MBOAT2: variants seen among roughly 807,000 people sequenced by gnomAD.
MBOAT2 encodes membrane-bound glycerophospholipid O-acyltransferase 2.
MBOAT2 carries 28 observed loss-of-function variants against 63.4 expected under a neutral mutation model. The ratio of observed to expected loss-of-function variants is 0.44; its 90% CI spans 0.33 to 0.61. The LOEUF is 0.61. Among genes scored for constraint, MBOAT2 ranks in the 20% least tolerant of loss-of-function variants. The pLI, the probability that MBOAT2 is intolerant of heterozygous loss-of-function variation, is 0.03. For missense variants in MBOAT2, 470 were observed against 605.8 expected, an observed-to-expected ratio of 0.78 and a Z score of 2.35; for synonymous variants, 211 against 215.6, an observed-to-expected ratio of 0.98 and a Z score of 0.19.
At chr2:8,966,577 C>A (rs764402643) in intron 1 of MBOAT2, among the ~76,000 whole-genome samples, 5 of 152,166 alleles carry the variant, frequency 3.3e-5, no homozygotes, top group Non-Finnish European at 7.4e-5. Flanking sequence ...GAGTCCTCAT[C>A]AACCAACCTC....
At position 8,853,613 on chromosome 2, in the gene MBOAT2, T is replaced by C. The variant is rs950814903; in HGVS notation, c.*5066A>G. 1 of 152,250 alleles carries C rather than the reference T, an allele frequency of 6.6e-6. No homozygotes were observed. Among genetic ancestry groups the C allele is most frequent in the Non-Finnish European group, 1.5e-5 (1 of 68,042 alleles). The allele number at this position is 152,250 out of a possible 1,614,324, so 9.4% of individuals were successfully genotyped here. ...TTATGTTGCTCTGTAACTTTTGGTTTTTCACTGTAGCATTTCCATTTATTT... is the reference window on the plus strand; with the variant it reads ...TTATGTTGCTCTGTAACTTTTGGTTCTTCACTGTAGCATTTCCATTTATTT... On this transcript the variant is annotated 3_prime_UTR_variant, in exon 13 of 13. Coordinates refer to ENST00000305997, the MANE Select transcript of MBOAT2 (RefSeq NM_138799.4).
chr2:8,947,860 T>C (rs1436745384), intron 2 of MBOAT2, among the ~76,000 whole-genome samples: 8 of 152,242 alleles, frequency 5.3e-5, no homozygotes, highest in Non-Finnish European at 1.2e-4. Context: ...ATACCCATTA[T>C]GCAGCCTGCA....
Position 8,858,831 on chromosome 2 carries a change from T to C in MBOAT2, c.1411A>G (p.Arg471Gly), listed in dbSNP as rs1256517489. 12 of 1,614,028 alleles carry C rather than the reference T, an allele frequency of 7.4e-6. No homozygotes were observed. Among genetic ancestry groups the C allele is most frequent in the East Asian group, 4.5e-5 (2 of 44,870 alleles). ...TGAATGTTTTCATGTGTATTCTTTCTTCTTTGAGTTTTTTTCACTGGCAAC... is the reference window on the plus strand; with the variant it reads ...TGAATGTTTTCATGTGTATTCTTTCCTCTTTGAGTTTTTTTCACTGGCAAC... ...LLLPVKKTQR[R>G]KNTHENIQLS... Residue 471 changes from arginine (R) to glycine (G), a missense_variant, in exon 13 of 13, where the codon AGA becomes GGA. Physicochemically the swap from Arg to Gly is moderately radical, Grantham distance 125 (BLOSUM62 -2). This residue lies in a region of MBOAT2 where 90 missense variants were observed against 84.9 expected (regional missense o/e 1.06). Coordinates refer to ENST00000305997, the MANE Select transcript of MBOAT2 (RefSeq NM_138799.4).
Position 8,858,455 on chromosome 2 carries a change from G to T in MBOAT2, c.*224C>A. On this transcript the variant is annotated 3_prime_UTR_variant, in exon 13 of 13. Coordinates refer to ENST00000305997, the MANE Select transcript of MBOAT2 (RefSeq NM_138799.4). ...AGTGCTGAGGTTGGGAGTGCCCACT[G>T]AAATATGGAAATATTCTTACATAAG... The T allele has an allele frequency of 2.1e-6, 1 of 474,158 alleles. No homozygotes were observed. The highest frequency in any genetic ancestry group is 3.7e-6 in the Non-Finnish European group (1 of 267,696). 29.4% of individuals were successfully genotyped at this position (474,158 alleles called of 1,614,324 possible). A position where few individuals can be genotyped will look rare whatever the true frequency, so the allele number is the denominator to read the frequency against.
chr2:8,865,137 C>A (rs1009495659), intron 9 of MBOAT2, among the ~76,000 whole-genome samples: 2 of 152,306 alleles, frequency 1.3e-5, no homozygotes, highest in African/African-American at 4.8e-5. Context: ...TTTTCCTAGA[C>A]AGTTCATTCT....
At chr2:8,863,942 G>GGCAGGATAGCTGCACCT (rs1199036638) in intron 10 of MBOAT2, among the ~76,000 whole-genome samples, 15 of 152,268 alleles carry the variant, frequency 9.9e-5, no homozygotes, top group East Asian at 3.9e-4. Flanking sequence ...GGCTTGAGAG[G>GGCAGGATAGCTGCACCT]GCAGGATAGC....
intron 1 of MBOAT2, among the ~76,000 whole-genome samples, chr2:8,997,216 C>A (rs1672372682): frequency 6.6e-6 from 1 of 152,204 alleles, no homozygotes; most frequent in Non-Finnish European, 1.5e-5. Flanking sequence ...CAAGTGCTAT[C>A]ATTGTAGAGT....
intron 3 of MBOAT2, among the ~76,000 whole-genome samples, chr2:8,926,548 T>C (rs1305334800): frequency 6.6e-6 from 1 of 152,126 alleles, no homozygotes; most frequent in Non-Finnish European, 1.5e-5. Flanking sequence ...TGTTAAACAG[T>C]AGAGCATGTG....
At chr2:8,899,522 T>G (rs1664751803) in intron 4 of MBOAT2, among the ~76,000 whole-genome samples, 1 of 152,200 alleles carries the variant, frequency 6.6e-6, no homozygotes, top group Admixed American at 6.5e-5. Flanking sequence ...GGTGATGACA[T>G]GAGCTGGCGC....
At chr2:8,996,615 C>T (rs1672329027) in intron 1 of MBOAT2, among the ~76,000 whole-genome samples, 1 of 152,196 alleles carries the variant, frequency 6.6e-6, no homozygotes, top group Admixed American at 6.5e-5. Flanking sequence ...GAGGCCATAG[C>T]TCTTCCTCCC....
intron 2 of MBOAT2, among the ~76,000 whole-genome samples, chr2:8,949,296 CTT>C (rs967357300): frequency 2.0e-5 from 3 of 152,148 alleles, no homozygotes; most frequent in South Asian, 4.1e-4. Flanking sequence ...TCTGTTTACT[CTT>C]GACAGTTTCT....
chr2:8,984,417 G>C (rs151316414), intron 1 of MBOAT2, among the ~76,000 whole-genome samples: 186 of 152,286 alleles, frequency 1.2e-3, no homozygotes, highest in African/African-American at 4.3e-3. Context: ...ACATACGTTT[G>C]TGGTTAACAC....
intron 2 of MBOAT2, among the ~76,000 whole-genome samples, chr2:8,957,148 T>A (rs1168116370): frequency 6.6e-6 from 1 of 152,236 alleles, no homozygotes; most frequent in African/African-American, 2.4e-5. Context: ...GGTGGAATTT[T>A]AATAATCTGA....
intron 1 of MBOAT2, among the ~76,000 whole-genome samples, chr2:8,979,519 CCCAGCA>C (rs2103332601): frequency 6.6e-6 from 1 of 152,058 alleles, no homozygotes; most frequent in South Asian, 2.1e-4. Context: ...CATTGTATCC[CCCAGCA>C]CCTAGTCCCA....
intron 4 of MBOAT2, among the ~76,000 whole-genome samples, chr2:8,892,501 T>G (rs1047994164): frequency 1.3e-5 from 2 of 152,216 alleles, no homozygotes; most frequent in Non-Finnish European, 2.9e-5. Flanking sequence ...GCACCTACGA[T>G]GCACCAAGTA....
intron 3 of MBOAT2, among the ~76,000 whole-genome samples, chr2:8,935,388 A>T (rs1332242634): frequency 6.6e-6 from 1 of 152,270 alleles, no homozygotes; most frequent in East Asian, 1.9e-4. Flanking sequence ...TATCATCTGC[A>T]TGCTCAACAG....
intron 1 of MBOAT2, among the ~76,000 whole-genome samples, chr2:8,968,046 C>T (rs1020897065): frequency 1.8e-4 from 28 of 151,964 alleles, no homozygotes; most frequent in Admixed American, 2.6e-4. Context: ...TCTTCGAGCA[C>T]GGAGTTTGAG....
intron 12 of MBOAT2, 121 bp downstream of exon 12, chr2:8,860,492 A>T: frequency 1.0e-6 from 1 of 968,636 alleles, no homozygotes; most frequent in Non-Finnish European, 1.6e-6. Flanking sequence ...AGTAACTGAT[A>T]ATGCATTTAT....
chr2:8,945,166 A>G (rs766658038), intron 2 of MBOAT2, among the ~76,000 whole-genome samples: 2 of 152,224 alleles, frequency 1.3e-5, no homozygotes, highest in African/African-American at 2.4e-5. Context: ...GGAGAGCAGT[A>G]TAATACTTGG....
Sources: gnomAD v4.1 joint callset for allele counts (sites outside exome capture counted in the v4.1 genomes callset) on GRCh38, gnomAD v4.1.1 for gene constraint, gnomAD v4.1.1 regional missense constraint, MANE v1.5 for transcripts, NCBI Gene and HGNC (gene_info 2026-07-23, HGNC 2026-07-21) for gene names.